PRRC2B: variants seen among roughly 807,000 people sequenced by gnomAD.
PRRC2B encodes proline rich coiled-coil 2B, also known as protein PRRC2B.
In PRRC2B, 68 loss-of-function variants were observed where a neutral mutation model predicts 242.3. The observed-to-expected ratio is 0.28, with a 90% CI of 0.23 to 0.34. The LOEUF (loss-of-function observed/expected upper bound fraction) is 0.34. Ranked by LOEUF, PRRC2B falls within the 10% of genes least tolerant of loss-of-function variation. The probability of loss-of-function intolerance (pLI) is 1.00; values close to 1 mark genes in which losing one functional copy is unlikely to be tolerated. For synonymous variants in PRRC2B, 1,228 were observed against 1,173.6 expected (o/e 1.05, Z -0.95); for missense variants, 2,835 against 2,954.8 (o/e 0.96, Z 0.94).
intron 1 of PRRC2B, among the ~76,000 whole-genome samples, chr9:131,429,601 C>T (rs1032478663): frequency 6.6e-6 from 1 of 152,148 alleles, no homozygotes; most frequent in Non-Finnish European, 1.5e-5. Flanking sequence ...ACTCTGGCTG[C>T]CCTCCTTTGA....
At chr9:131,375,589 T>C (rs1836673758) in intron 1 of PRRC2B, among the ~76,000 whole-genome samples, 1 of 152,152 alleles carries the variant, frequency 6.6e-6, no homozygotes, top group African/African-American at 2.4e-5. Context: ...ATGTTATCTG[T>C]CCTTATTTCA....
intron 1 of PRRC2B, among the ~76,000 whole-genome samples, chr9:131,374,278 G>A (rs1836654875): frequency 6.6e-6 from 1 of 152,048 alleles, no homozygotes; most frequent in African/African-American, 2.4e-5. Context: ...CACTGTGGCT[G>A]GGTGCGGTGG....
At position 131,383,811 on chromosome 9, in the gene PRRC2B, C is replaced by T. The variant is rs560999943; in HGVS notation, c.-56+10080C>T. Among the ~76,000 whole-genome samples the T allele has an allele frequency of 1.4e-4, 22 of 151,910 alleles. 2 individuals carry two copies. The South Asian group carries it at 4.4e-3, about 30-fold the overall frequency. On this transcript the variant is annotated intron_variant, in intron 1 of 1. Coordinates refer to the PRRC2B transcript ENST00000682525. The stretch of plus-strand genomic sequence containing the variant: ...TAATTTTTTGTATTTTTAGTAGAGA[C>T]AGGGTTTCACTGTGTTAGCCAGGAT...
intron 1 of PRRC2B, among the ~76,000 whole-genome samples, chr9:131,424,425 G>A (rs1242837021): frequency 3.3e-5 from 5 of 151,704 alleles, no homozygotes; most frequent in Non-Finnish European, 5.9e-5. Flanking sequence ...GGTGGCTCAC[G>A]CTTGTAATCC....
At chr9:131,473,891 C>A (rs1171663369) in intron 15 of PRRC2B, among the ~76,000 whole-genome samples, 167 bp downstream of exon 15, 1 of 152,142 alleles carries the variant, frequency 6.6e-6, no homozygotes, top group Admixed American at 6.5e-5. Context: ...AGGAGGATTG[C>A]TTGAATGCTT....
intron 2 of PRRC2B, among the ~76,000 whole-genome samples, chr9:131,431,572 T>C (rs902300974): frequency 7.4e-6 from 1 of 135,594 alleles, no homozygotes; most frequent in Non-Finnish European, 1.6e-5. Context: ...GCCAGTGTTA[T>C]CCTTAATAAA....
At chr9:131,397,840 C>T (rs756489142) in intron 1 of PRRC2B, among the ~76,000 whole-genome samples, 1 of 152,082 alleles carries the variant, frequency 6.6e-6, no homozygotes, top group Non-Finnish European at 1.5e-5. Flanking sequence ...CAATGGATTT[C>T]TCCCCAAAAA....
intron 9 of PRRC2B, 143 bp from the exon 10 acceptor site, chr9:131,454,933 A>G (rs2131403803): frequency 1.7e-6 from 1 of 596,568 alleles, no homozygotes; most frequent in Non-Finnish European, 3.0e-6. Flanking sequence ...CATGTTGGTC[A>G]GTCTGGTCTC....
chr9:131,470,756 G>A, intron 13 of PRRC2B, 32 bp from the exon 14 acceptor site: 1 of 1,595,302 alleles, frequency 6.3e-7, no homozygotes, highest in Non-Finnish European at 8.6e-7. Context: ...GGCCGCACCA[G>A]CCTGACCAAG....
intron 5 of PRRC2B, among the ~76,000 whole-genome samples, chr9:131,442,746 C>T (rs1838641372): frequency 6.6e-6 from 1 of 152,214 alleles, no homozygotes; most frequent in Non-Finnish European, 1.5e-5. Flanking sequence ...GGTGTCGCCA[C>T]TGTTCCTAGA....
At chr9:131,483,580 A>C in intron 23 of PRRC2B, 135 bp downstream of exon 23, 1 of 747,586 alleles carries the variant, frequency 1.3e-6, no homozygotes, top group Non-Finnish European at 2.3e-6. Context: ...CATGTCCTTA[A>C]AAGGTGCTTA....
rs545495811 is a variant in PRRC2B at position 131,407,963 on chromosome 9, C to T, written c.-52+13700C>T. Among the ~76,000 whole-genome samples the T allele has an allele frequency of 2.3e-4, 35 of 152,332 alleles. No individual in the cohort carries two copies. In the South Asian group the frequency reaches 5.6e-3, roughly 24 times the overall value. On this transcript the variant is annotated intron_variant, in intron 1 of 31. Coordinates refer to ENST00000683519, the MANE Select transcript of PRRC2B (RefSeq NM_013318.4). ...CGGGCAGCCCGATGGAGTATTTCCT[C>T]ACCGGGGTAACGGGAGGCATTGCAT... is the stretch of plus-strand genomic sequence containing the variant.
intron 1 of PRRC2B, among the ~76,000 whole-genome samples, chr9:131,427,677 G>C (rs1838011922): frequency 6.6e-6 from 1 of 152,016 alleles, no homozygotes; most frequent in South Asian, 2.1e-4. Context: ...GGTACAGATT[G>C]CCCCCCACCA....
intron 2 of PRRC2B, among the ~76,000 whole-genome samples, chr9:131,430,579 GTGTGTGTGTGTGTGTGTATA>G (rs1295017593): frequency 2.2e-5 from 3 of 136,276 alleles, no homozygotes; most frequent in Non-Finnish European, 4.8e-5. Context: ...GTGTGTGTGT[GTGTGTGTGTGTGTGTGTATA>G]TATATGTTTT....
chr9:131,483,294 T>C lies in PRRC2B; in HGVS notation c.5374-65T>C. On this transcript the variant is annotated intron_variant, in intron 22 of 31. Coordinates refer to ENST00000683519, the MANE Select transcript of PRRC2B (RefSeq NM_013318.4). ...GGGGAAACTGCATCACGTTAATGTATGCCTCTGGGGAATGTAGGGCCAGGA... is the reference window on the plus strand; with the variant it reads ...GGGGAAACTGCATCACGTTAATGTACGCCTCTGGGGAATGTAGGGCCAGGA... 2.1e-6 allele frequency: 3 copies of C among 1,431,730 alleles called. No homozygotes were observed. The South Asian group carries it at 3.5e-5, about 16-fold the overall frequency. 88.7% of individuals were successfully genotyped at this position (1,431,730 alleles called of 1,614,324 possible). A position where few individuals can be genotyped will look rare whatever the true frequency, so the allele number is the denominator to read the frequency against.
intron 1 of PRRC2B, among the ~76,000 whole-genome samples, chr9:131,402,200 C>T (rs768149584): frequency 6.6e-6 from 1 of 152,190 alleles, no homozygotes; most frequent in Non-Finnish European, 1.5e-5. Flanking sequence ...AAGCGATTTG[C>T]CTGCCTCGGC....
At chr9:131,382,434 T>C (rs991825659) in intron 1 of PRRC2B, among the ~76,000 whole-genome samples, 3 of 152,138 alleles carry the variant, frequency 2.0e-5, no homozygotes, top group African/African-American at 7.2e-5. Context: ...TTATAAAGAC[T>C]GGCTGTGGTT....
intron 1 of PRRC2B, among the ~76,000 whole-genome samples, chr9:131,381,047 C>T (rs1836753369): frequency 1.3e-5 from 2 of 152,218 alleles, no homozygotes; most frequent in Non-Finnish European, 2.9e-5. Flanking sequence ...TTCTGAGATA[C>T]CGGCCTACGC....
intron 1 of PRRC2B, among the ~76,000 whole-genome samples, chr9:131,414,925 C>T (rs548860739): frequency 4.6e-5 from 7 of 152,188 alleles, no homozygotes; most frequent in South Asian, 4.1e-4. Context: ...TCCCTCCACA[C>T]GTGGTCCTTA....
Sources: gnomAD v4.1 joint callset for allele counts (sites outside exome capture counted in the v4.1 genomes callset) on GRCh38, gnomAD v4.1.1 for gene constraint, MANE v1.5 for transcripts, NCBI Gene and HGNC (gene_info 2026-07-23, HGNC 2026-07-21) for gene names.